ASTN1: variants seen among roughly 807,000 people sequenced by gnomAD.
ASTN1 encodes astrotactin-1.
ASTN1 carries 41 observed loss-of-function variants against 140.7 expected under a neutral mutation model. That is an observed-to-expected ratio of 0.29 (90% CI 0.23 to 0.38). ASTN1 has a LOEUF of 0.38. Among genes scored for constraint, ASTN1 ranks in the 10% least tolerant of loss-of-function variants. ASTN1 has a pLI of 1.00. For synonymous variants in ASTN1, 640 were observed against 652.2 expected (o/e 0.98, Z 0.29); for missense variants, 1,479 against 1,678.8 (o/e 0.88, Z 2.08).
chr1:177,114,737 A>C (rs1680997734), intron 1 of ASTN1, among the ~76,000 whole-genome samples: 1 of 152,190 alleles, frequency 6.6e-6, no homozygotes. Flanking sequence ...CATCACAGTT[A>C]AGATACACAA....
intron 16 of ASTN1, among the ~76,000 whole-genome samples, chr1:176,906,162 C>T (rs1273085503): frequency 2.0e-5 from 3 of 152,158 alleles, no homozygotes; most frequent in Non-Finnish European, 4.4e-5. Context: ...CATCTGGAGC[C>T]AGTGCTATAT....
chr1:177,118,977 CCTT>C (rs748017850), intron 1 of ASTN1, among the ~76,000 whole-genome samples: 2 of 152,090 alleles, frequency 1.3e-5, no homozygotes, highest in Non-Finnish European at 2.9e-5. Flanking sequence ...GCAGGAATTC[CCTT>C]CTTCTTACAT....
intron 12 of ASTN1, 31 bp from the exon 13 acceptor site, chr1:176,946,151 T>C (rs1236014779): frequency 1.3e-6 from 2 of 1,505,064 alleles, no homozygotes; most frequent in Non-Finnish European, 1.8e-6. Context: ...ATATAAGAAG[T>C]TATTCCATCA....
At chr1:176,857,498 G>C (rs1308394304), downstream of ASTN1, 3 of 426,584 alleles carry the variant, frequency 7.0e-6, no homozygotes, top group Non-Finnish European at 1.3e-5. Flanking sequence ...CTGCTTTGAG[G>C]GGATGGAAGG....
At chr1:177,067,038 T>C (rs2102045702) in intron 1 of ASTN1, among the ~76,000 whole-genome samples, 1 of 152,152 alleles carries the variant, frequency 6.6e-6, no homozygotes, top group Admixed American at 6.6e-5. Context: ...AAGACTTTGC[T>C]TAAATTAGGA....
rs757553489 is a variant in ASTN1, at chr1:177,032,515, G to A, written c.806C>T (p.Thr269Met). 1.1e-5 allele frequency: 17 copies of A among 1,613,970 alleles called. No individual in the cohort carries two copies. In the Admixed American group the frequency reaches 1.8e-4, roughly 17 times the overall value. ...GCCCTGCAGGGAGTCGAGGGTGCGC[G>A]TGACCTGGCTGGCAAAGTCCTCCCC... is the stretch of plus-strand genomic sequence containing the variant. ...NGGEDFASQV[T>M]RTLDSLQGCN... Residue 269 changes from threonine (T) to methionine (M), a missense_variant, in exon 3 of 23, where the codon ACG (threonine) becomes ATG (methionine). This residue lies in a region of ASTN1 where 729 missense variants were observed against 860.4 expected (regional missense o/e 0.85). Coordinates refer to ENST00000361833, the MANE Select transcript of ASTN1 (RefSeq NM_004319.3).
Position 177,030,947 on chromosome 1 carries a change from C to A in ASTN1, c.871G>T (p.Asp291Tyr). ...TTCATCAGTGACAGCTTGGCATTGT[C>A]ACTTCCTGTATAAGGAAAAGACGAG... The part of the protein sequence containing the change: ...KSGMDLTPGS[D>Y]NAKLSLMNKY... The change falls in exon 4 of 23, where the codon GAC becomes TAC. Residue 291 changes from aspartate (D) to tyrosine (Y), a missense_variant. Around this residue, in one of 3 missense-constraint regions of ASTN1, gnomAD observed 729 missense variants for 860.4 expected, o/e 0.85. Coordinates refer to ENST00000361833, the MANE Select transcript of ASTN1 (RefSeq NM_004319.3). The A allele has an allele frequency of 6.2e-7, 1 of 1,612,054 alleles. No individual in the cohort carries two copies. The highest frequency in any genetic ancestry group is 1.1e-5 in the South Asian group (1 of 90,816).
At position 176,949,023 on chromosome 1, in the gene ASTN1, G is replaced by A. The variant is rs977644670; in HGVS notation, c.2054+162C>T. ...ACACAACTTTAAAATGTTCCCCCTC[G>A]ACTTTAAAAATGTTCCCCCCCAAGT... On this transcript the variant is annotated intron_variant, in intron 12 of 22. Transcript: ENST00000361833. Among the ~76,000 whole-genome samples the A allele has an allele frequency of 4.6e-5, 7 of 152,038 alleles. 1 individual carries two copies. Among genetic ancestry groups the A allele is most frequent in the Admixed American group, 3.9e-4 (6 of 15,270 alleles).
chr1:177,011,497 TAGG>T (rs1378738439), intron 8 of ASTN1, among the ~76,000 whole-genome samples: 1 of 151,544 alleles, frequency 6.6e-6, no homozygotes, highest in Admixed American at 6.6e-5. Context: ...CACAAATGAG[TAGG>T]AGAATAAATG....
chr1:176,890,102 G>A lies in ASTN1; in HGVS notation c.2941-1898C>T, dbSNP rs12075839. On this transcript the variant is annotated intron_variant, in intron 17 of 22. Transcript: ENST00000361833. ...TTTCTACGTGAAGCATTAAGGATAC[G>A]AGGATGCACAAGACACCTGTGGCCC... is the stretch of plus-strand genomic sequence containing the variant. Among the ~76,000 whole-genome samples, 237 of 152,312 alleles carry A rather than the reference G, an allele frequency of 1.6e-3. 1 individual carries two copies. The highest frequency in any genetic ancestry group is 5.3e-3 in the African/African-American group (220 of 41,580).
downstream of ASTN1, among the ~76,000 whole-genome samples, chr1:176,858,241 A>G (rs1239209893): frequency 6.6e-6 from 1 of 152,212 alleles, no homozygotes; most frequent in African/African-American, 2.4e-5. Context: ...TCACTTTGGA[A>G]TAGTGCAGAC....
chr1:176,923,297 A>G (rs1285670044), intron 16 of ASTN1, among the ~76,000 whole-genome samples: 1 of 152,256 alleles, frequency 6.6e-6, no homozygotes, highest in Non-Finnish European at 1.5e-5. Flanking sequence ...AACTCTAAGT[A>G]TAATCTAAGT....
chr1:176,861,440 G>T lies in ASTN1; in HGVS notation c.*2844C>A. 1.0e-6 allele frequency: 1 copy of T among 985,846 alleles called. No homozygotes were observed. Among genetic ancestry groups the T allele is most frequent in the Non-Finnish European group, 1.2e-6 (1 of 829,940 alleles). 61.1% of individuals were successfully genotyped at this position (985,846 alleles called of 1,614,324 possible). On this transcript the variant is annotated 3_prime_UTR_variant, in exon 23 of 23. Coordinates refer to ENST00000361833, the MANE Select transcript of ASTN1 (RefSeq NM_004319.3). The stretch of plus-strand genomic sequence containing the variant: ...CACCTCCCTTAAGACCTGTTTGGCA[G>T]CTTGAAAACTCAAGGTTGAATACCG...
At chr1:177,065,149 CAA>C (rs1267020943) in intron 1 of ASTN1, among the ~76,000 whole-genome samples, 1 of 152,160 alleles carries the variant, frequency 6.6e-6, no homozygotes, top group African/African-American at 2.4e-5. Flanking sequence ...ACTGAATAAG[CAA>C]AGTCTCAACG....
intron 1 of ASTN1, among the ~76,000 whole-genome samples, chr1:177,146,132 TAGTG>T (rs376250161): frequency 1.5e-3 from 221 of 152,184 alleles, no homozygotes; most frequent in African/African-American, 5.0e-3. Context: ...AAACGAAAAA[TAGTG>T]AGAACAATAA....
intron 11 of ASTN1, 21 bp downstream of exon 11, chr1:176,957,657 T>C (rs200997224): frequency 3.1e-4 from 497 of 1,612,454 alleles, no homozygotes; most frequent in Non-Finnish European, 2.3e-4. Flanking sequence ...CAGAAACTAC[T>C]AGCTTGCAGG....
At chr1:177,149,498 TATATATAGTAA>T (rs1682914881) in intron 1 of ASTN1, among the ~76,000 whole-genome samples, 1 of 66,356 alleles carries the variant, frequency 1.5e-5, no homozygotes, top group Non-Finnish European at 2.4e-5. Flanking sequence ...ATATATAGTA[TATATATAGTAA>T]ATATATATAG....
At chr1:176,973,729 G>A (rs1673241057) in intron 8 of ASTN1, among the ~76,000 whole-genome samples, 1 of 152,132 alleles carries the variant, frequency 6.6e-6, no homozygotes, top group African/African-American at 2.4e-5. Context: ...AAGATGCAAA[G>A]CTTTCACCAC....
At chr1:177,081,077 C>T (rs1046213479) in intron 1 of ASTN1, among the ~76,000 whole-genome samples, 1 of 152,082 alleles carries the variant, frequency 6.6e-6, no homozygotes, top group Non-Finnish European at 1.5e-5. Flanking sequence ...CTTGTGAGTG[C>T]TAACATTTCA....
Sources: allele counts gnomAD v4.1 joint callset (sites outside exome capture counted in the v4.1 genomes callset), GRCh38; gene constraint gnomAD v4.1.1; regional missense constraint gnomAD v4.1.1; transcripts MANE v1.5; gene names NCBI Gene and HGNC (gene_info 2026-07-23, HGNC 2026-07-21).